The following JCAD variants were observed in gnomAD, a reference collection of about 807,000 sequenced individuals.
JCAD encodes the protein junctional cadherin 5 associated, also known as junctional cadherin 5-associated protein.
A neutral mutation model predicts 98.0 loss-of-function variants in JCAD; 40 were observed. That is an observed-to-expected ratio of 0.41 (90% CI 0.32 to 0.53). The LOEUF is 0.53. JCAD is among the 20% of genes least tolerant of loss of function. The pLI is 0.31. For synonymous variants in JCAD, 691 were observed against 682.3 expected (o/e 1.01, Z -0.20); for missense variants, 1,705 against 1,738.1 (o/e 0.98, Z 0.34).
chr10:30,066,363 G>T (rs979455992), intron 2 of JCAD, among the ~76,000 whole-genome samples: 37 of 152,178 alleles, frequency 2.4e-4, no homozygotes, highest in African/African-American at 8.4e-4. Context: ...GTGTCAGCTT[G>T]TTCTCACGTA....
chr10:30,040,506 T>C (rs1837220879), intron 2 of JCAD, among the ~76,000 whole-genome samples: 1 of 152,248 alleles, frequency 6.6e-6, no homozygotes, highest in African/African-American at 2.4e-5. Flanking sequence ...CATTTGCCTT[T>C]TTCTAGCACC....
rs1277452294 is a variant in JCAD, at chr10:30,026,755, G to A, written c.3393C>T (p.Arg1131=). 1 of 1,614,074 alleles carries A rather than the reference G, an allele frequency of 6.2e-7. No individual in the cohort carries two copies. The change falls in exon 3 of 4, where the codon CGC becomes CGT. Residue 1131 remains arginine (R), a synonymous_variant. Coordinates refer to ENST00000375377, the MANE Select transcript of JCAD (RefSeq NM_020848.4). ...PESPQEELLS[R]PAPADVPRVS... ...CCCTGGGGACATCTGCCGGTGCTGGGCGAGATAGCAACTCTTCCTGGGGGG... is the reference window on the plus strand; with the variant it reads ...CCCTGGGGACATCTGCCGGTGCTGGACGAGATAGCAACTCTTCCTGGGGGG...
intron 2 of JCAD, among the ~76,000 whole-genome samples, chr10:30,036,344 GA>G (rs1395519159): frequency 6.6e-6 from 1 of 151,962 alleles, no homozygotes; most frequent in Admixed American, 6.6e-5. Flanking sequence ...AGCTACTTGG[GA>G]AACCGAGGCA....
chr10:30,027,732 G>A lies in JCAD; in HGVS notation c.2416C>T (p.Pro806Ser). Residue 806 changes from proline (P) to serine (S), a missense_variant, in exon 3 of 4, where the codon CCC (proline) becomes TCC (serine). Transcript: ENST00000375377. ...GPKREVVKGE[P>S]TGPCNSKQLF... ...TGTTTACTGTTGCAAGGGCCCGTGGGCTCCCCCTTCACCACCTCCCGCTTA... is the reference window on the plus strand; with the variant it reads ...TGTTTACTGTTGCAAGGGCCCGTGGACTCCCCCTTCACCACCTCCCGCTTA... 6.2e-7 allele frequency: 1 copy of A among 1,614,230 alleles called. No individual in the cohort carries two copies. The highest frequency in any genetic ancestry group is 8.5e-7 in the Non-Finnish European group (1 of 1,180,048).
In JCAD at chr10:30,068,241, A is replaced by G. The variant is rs558554553; in HGVS notation, n.250+1459T>C. ...CCATGTCTACTAAAAATACAAAAAA[A>G]TTAGCCGGGCATGGTGGCAGGTACC... On this transcript the variant is annotated intron_variant and non_coding_transcript_variant, in intron 2 of 2. Coordinates refer to the JCAD transcript ENST00000465712. Among the ~76,000 whole-genome samples the G allele has an allele frequency of 2.0e-5, 3 of 152,158 alleles. No individual in the cohort carries two copies. In the South Asian group the frequency reaches 6.2e-4, roughly 32 times the overall value.
intron 1 of JCAD, among the ~76,000 whole-genome samples, chr10:30,083,798 A>G (rs1264500577): frequency 6.6e-6 from 1 of 152,176 alleles, no homozygotes; most frequent in Non-Finnish European, 1.5e-5. Flanking sequence ...AGGCCAAGGC[A>G]AAAAGATCAC....
At position 30,047,534 on chromosome 10, in the gene JCAD, C is replaced by G; in HGVS notation, c.279G>C (p.Ala93=). 1 of 1,610,296 alleles carries G rather than the reference C, an allele frequency of 6.2e-7. No individual in the cohort carries two copies. The highest frequency in any genetic ancestry group is 8.5e-7 in the Non-Finnish European group (1 of 1,178,654). The change falls in exon 2 of 4, where the codon GCG becomes GCC. Residue 93 remains alanine, a splice_region_variant and synonymous_variant. Transcript: ENST00000375377. ...GGTGGGTTCACAGTGAAACTTACCC[C>G]GCCTCCGAGGTTCTGGAAGCAGAAG... The part of the protein sequence containing the change: ...QSTSASRTSE[A]GFCNQPPSAW...
At chr10:30,069,909 GT>G (rs996726446) in intron 1 of JCAD, 1 of 152,174 alleles carries the variant, frequency 6.6e-6, no homozygotes, top group African/African-American at 2.4e-5. Context: ...TCTGTTGGGA[GT>G]TTTATGTTTG....
Position 30,059,278 on chromosome 10 carries a change from G to C in JCAD, c.-60+204C>G, listed in dbSNP as rs982522133. Among the ~76,000 whole-genome samples, 2 of 151,266 alleles carry C rather than the reference G, an allele frequency of 1.3e-5. No individual in the cohort carries two copies. The highest frequency in any genetic ancestry group is 4.8e-5 in the African/African-American group (2 of 41,314). Reference sequence around the variant, plus strand: ...GGCGCCCTCCACCCCGAGGCTGCCGGGCTAGGCACCGCGCGGGGGGCCCAG... The same window carrying C: ...GGCGCCCTCCACCCCGAGGCTGCCGCGCTAGGCACCGCGCGGGGGGCCCAG... On this transcript the variant is annotated intron_variant, in intron 1 of 3. Coordinates refer to ENST00000375377, the MANE Select transcript of JCAD (RefSeq NM_020848.4). This position sits in a 1 kb window ranked among gnomAD's most constrained non-coding sequence, Gnocchi z 5.0.
At chr10:30,075,143 T>C (rs921805934) in intron 1 of JCAD, among the ~76,000 whole-genome samples, 1 of 152,212 alleles carries the variant, frequency 6.6e-6, no homozygotes, top group Non-Finnish European at 1.5e-5. Flanking sequence ...TTGCACAATC[T>C]AGAAATATAC....
chr10:30,026,280 C>A lies in JCAD; in HGVS notation c.3868G>T (p.Ala1290Ser). 6.2e-7 allele frequency: 1 copy of A among 1,613,908 alleles called. No homozygotes were observed. Among genetic ancestry groups the A allele is most frequent in the Non-Finnish European group, 8.5e-7 (1 of 1,180,042 alleles). The change falls in exon 3 of 4, where the codon GCC becomes TCC. Residue 1290 changes from alanine to serine, a missense_variant. Ala to Ser is a moderately conservative substitution (Grantham distance 99). Around this residue, in one of 3 missense-constraint regions of JCAD, gnomAD observed 1,278 missense variants for 1,243.1 expected, o/e 1.03. Transcript: ENST00000375377. The stretch of plus-strand genomic sequence containing the variant: ...AGCCCGGCCTGGCCCCTTGTGGTGG[C>A]CTTCAATTCCTCGGCGTCCTCCTGG... ...DSQEDAEELK[A>S]TTRGQAGLPG... is the part of the protein sequence containing the mutation.
chr10:30,102,713 A>G (rs956503708), intron 1 of JCAD, among the ~76,000 whole-genome samples: 1 of 152,336 alleles, frequency 6.6e-6, no homozygotes, highest in South Asian at 2.1e-4. Flanking sequence ...TGCCTGGCTT[A>G]TTGTATTAGT....
At position 30,014,081 on chromosome 10, in the gene JCAD, G is replaced by C. The variant is rs1184608734; in HGVS notation, c.*3802C>G. 1 of 151,994 alleles carries C rather than the reference G, an allele frequency of 6.6e-6. No homozygotes were observed. The highest frequency in any genetic ancestry group is 1.5e-5 in the Non-Finnish European group (1 of 68,020). 9.4% of individuals were successfully genotyped at this position (151,994 alleles called of 1,614,324 possible). ...TTATCATCTCCCCCTTCTTAGTGTG[G>C]TGGGTCCCAGAGTGGACCAACCCAC... On this transcript the variant is annotated 3_prime_UTR_variant, in exon 4 of 4. Transcript: ENST00000375377.
intron 1 of JCAD, among the ~76,000 whole-genome samples, chr10:30,114,269 T>C (rs1160043456): frequency 6.6e-6 from 1 of 152,170 alleles, no homozygotes; most frequent in African/African-American, 2.4e-5. Context: ...GGGTGGGAGA[T>C]ACAGGATAAA....
chr10:30,104,822 G>C (rs1270980780), intron 1 of JCAD, among the ~76,000 whole-genome samples: 1 of 152,164 alleles, frequency 6.6e-6, no homozygotes, highest in Non-Finnish European at 1.5e-5. Flanking sequence ...TAAATGAACT[G>C]TGTTTTACAA....
intron 1 of JCAD, among the ~76,000 whole-genome samples, chr10:30,099,259 C>A (rs371938253): frequency 6.6e-6 from 1 of 152,120 alleles, no homozygotes; most frequent in Non-Finnish European, 1.5e-5. Context: ...ATTTCCAAAG[C>A]CTTCAGGGGA....
chr10:30,086,479 G>A (rs971992793), intron 1 of JCAD, among the ~76,000 whole-genome samples: 20 of 152,226 alleles, frequency 1.3e-4, no homozygotes, highest in Non-Finnish European at 5.9e-5. Context: ...GGAAAGTTCC[G>A]TGTTTGAATG....
chr10:30,056,613 T>C (rs903278253), intron 1 of JCAD, among the ~76,000 whole-genome samples: 4 of 152,154 alleles, frequency 2.6e-5, no homozygotes, highest in Non-Finnish European at 4.4e-5. Flanking sequence ...AAACAATCTT[T>C]ACAGGTAAAC....
chr10:30,016,885 T>C lies in JCAD; in HGVS notation c.*998A>G, dbSNP rs183003946. The C allele has an allele frequency of 5.3e-3, 807 of 152,358 alleles. 8 individuals are homozygous for C. The highest frequency in any genetic ancestry group is 8.8e-3 in the Non-Finnish European group (596 of 68,038). 9.4% of individuals were successfully genotyped at this position (152,358 alleles called of 1,614,324 possible). A position where few individuals can be genotyped will look rare whatever the true frequency, so the allele number is the denominator to read the frequency against. On this transcript the variant is annotated 3_prime_UTR_variant, in exon 4 of 4. Transcript: ENST00000375377. ...TTATTAACCCTGTGATATGTCTATA[T>C]TGACATTTTCTAAGATAAAATAAAA...
Sources: allele counts gnomAD v4.1 joint callset (sites outside exome capture counted in the v4.1 genomes callset), GRCh38; gene constraint gnomAD v4.1.1; regional missense constraint gnomAD v4.1.1; non-coding constraint Gnocchi (gnomAD v3.1); transcripts MANE v1.5; gene names NCBI Gene and HGNC (gene_info 2026-07-23, HGNC 2026-07-21).